MYO18A: variants seen among roughly 807,000 people sequenced by gnomAD.
MYO18A encodes the protein unconventional myosin-XVIIIa.
In MYO18A, 78 loss-of-function variants were observed where a neutral mutation model predicts 235.8. The ratio of observed to expected loss-of-function variants is 0.33; its 90% confidence interval spans 0.28 to 0.40. The LOEUF (loss-of-function observed/expected upper bound fraction) is 0.40, where lower values mean the gene tolerates loss of function less well. Ranked by LOEUF, MYO18A falls within the 10% of genes least tolerant of loss-of-function variation. The pLI is 1.00. For missense variants in MYO18A, 2,215 were observed against 2,699.3 expected, an observed-to-expected ratio of 0.82 and a Z score of 3.98; for synonymous variants, 977 against 1,077.8, an observed-to-expected ratio of 0.91 and a Z score of 1.83.
At chr17:29,101,303 ATTTC>A (rs1885929644) in intron 21 of MYO18A, among the ~76,000 whole-genome samples, 1 of 150,360 alleles carries the variant, frequency 6.7e-6, no homozygotes, top group African/African-American at 2.5e-5. Context: ...TGGCTGCTCA[ATTTC>A]TTTCTTTCTT....
chr17:29,176,385 A>G (rs1195424108), intron 1 of MYO18A, among the ~76,000 whole-genome samples: 1 of 150,212 alleles, frequency 6.7e-6, no homozygotes, highest in East Asian at 1.9e-4. Context: ...CAGCTGGCAA[A>G]AGAAAAAAAA....
At chr17:29,096,393 T>C (rs1214464637) in intron 28 of MYO18A, among the ~76,000 whole-genome samples, 1 of 151,218 alleles carries the variant, frequency 6.6e-6, no homozygotes, top group Non-Finnish European at 1.5e-5. Context: ...GTCAGGAGAG[T>C]GTGTTTGTGT....
At chr17:29,098,297 G>A in intron 24 of MYO18A, 59 bp downstream of exon 24, 1 of 1,611,644 alleles carries the variant, frequency 6.2e-7, no homozygotes, top group South Asian at 1.1e-5. Context: ...TGGGGGACCT[G>A]CAGGGGCTGG....
At position 29,100,951 on chromosome 17, in the gene MYO18A, G is replaced by A. The variant is rs763394386; in HGVS notation, c.3508-1189C>T. Among the ~76,000 whole-genome samples the A allele has an allele frequency of 2.6e-5, 4 of 152,300 alleles. No homozygotes were observed. In the East Asian group the frequency reaches 7.7e-4, roughly 29 times the overall value. ...TGACACTTCCCTAAATCCCACCATC[G>A]AACATGGGGTTTCCCATGGGTCTTA... is the stretch of plus-strand genomic sequence containing the variant. On this transcript the variant is annotated intron_variant, in intron 21 of 41. Transcript: ENST00000527372.
At chr17:29,105,594 G>A (rs1262849554) in intron 20 of MYO18A, among the ~76,000 whole-genome samples, 1 of 152,148 alleles carries the variant, frequency 6.6e-6, no homozygotes, top group Non-Finnish European at 1.5e-5. Flanking sequence ...GGAGGCTAGG[G>A]AAGAGAGGTT....
chr17:29,074,316 CAAG>C lies in MYO18A; in HGVS notation c.*451_*453del. ...TAAAAAGTAGAAAGACAGCAGGCAC[CAAG>C]AAGAGAGAGCCCCCACCCCACACGA... On this transcript the variant is annotated 3_prime_UTR_variant, in exon 42 of 42. Coordinates refer to ENST00000527372, the MANE Select transcript of MYO18A (RefSeq NM_078471.4). The surrounding 1 kb of genome is among the most constrained non-coding windows in gnomAD (Gnocchi z 4.4). 1.0e-6 allele frequency: 1 copy of C among 967,470 alleles called. No individual in the cohort carries two copies. Among genetic ancestry groups the C allele is most frequent in the South Asian group, 1.8e-5 (1 of 56,072 alleles). 59.9% of individuals were successfully genotyped at this position (967,470 alleles called of 1,614,324 possible).
intron 37 of MYO18A, 132 bp from the exon 38 acceptor site, chr17:29,087,253 C>T (rs2066279461): frequency 1.2e-6 from 1 of 863,980 alleles, no homozygotes; most frequent in East Asian, 2.5e-5. Context: ...GCTACCTGGG[C>T]AAGCAACCCC....
chr17:29,076,699 T>C (rs542248207), intron 41 of MYO18A: 7 of 151,986 alleles, frequency 4.6e-5, no homozygotes, highest in Non-Finnish European at 2.9e-5. Flanking sequence ...AGAAAAAAAT[T>C]GGGGTTATTT....
At position 29,096,912 on chromosome 17, in the gene MYO18A, C is replaced by T. The variant is rs777932761; in HGVS notation, c.4234G>A (p.Gly1412Arg). The change falls in exon 28 of 42, where the codon GGG (glycine) becomes AGG (arginine). Residue 1412 changes from glycine to arginine, a missense_variant. Physicochemically the swap from Gly to Arg is moderately radical, Grantham distance 125. Transcript: ENST00000527372. ...TCCTCACTATCTGCCTGCAGGTCCC[C>T]GAGCTAGGGGCCAAGATGGGGTGCA... ...QNKRQLERRL[G>R]DLQADSEESQ... 1.1e-5 allele frequency: 17 copies of T among 1,563,482 alleles called. No individual in the cohort carries two copies. Among genetic ancestry groups the T allele is most frequent in the African/African-American group, 6.8e-5 (5 of 73,622 alleles).
chr17:29,178,239 C>T (rs2068575761), intron 1 of MYO18A, among the ~76,000 whole-genome samples: 3 of 152,106 alleles, frequency 2.0e-5, no homozygotes, highest in South Asian at 2.1e-4. Flanking sequence ...AAGTCTGGGG[C>T]GCAGGAGGAA....
intron 40 of MYO18A, among the ~76,000 whole-genome samples, chr17:29,083,010 G>A (rs1411293559): frequency 6.8e-6 from 1 of 147,906 alleles, no homozygotes; most frequent in Non-Finnish European, 1.5e-5. Flanking sequence ...AGGTTAAGGA[G>A]GCCCAGGCCA....
chr17:29,101,535 G>T (rs141496597), intron 21 of MYO18A, among the ~76,000 whole-genome samples: 1,608 of 152,174 alleles, frequency 0.011, 11 homozygotes, highest in Admixed American at 0.017. Flanking sequence ...TCAAACTCCT[G>T]GGCTCAGGCA....
chr17:29,172,436 G>A (rs1033748900), intron 1 of MYO18A, among the ~76,000 whole-genome samples: 4 of 151,682 alleles, frequency 2.6e-5, no homozygotes, highest in African/African-American at 9.7e-5. Flanking sequence ...CTGCACTCCA[G>A]CCTGGGCGAC....
In MYO18A at chr17:29,109,928, G is replaced by A. The variant is rs553958030; in HGVS notation, c.3261C>T (p.Leu1087=). ...GCTGGGTGCGGAGCAGGGGCACGTC[G>A]AGCTGCAGGAGCCCAGCCTCGCAGT... ...GDHCEAGLLQ[L]DVPLLRTQLR... is the part of the protein sequence containing the mutation. Residue 1087 remains leucine (L), a synonymous_variant, in exon 19 of 42, where the codon CTC becomes CTT. Transcript: ENST00000527372. The surrounding 1 kb of genome is among the most constrained non-coding windows in gnomAD (Gnocchi z 4.1). 10 of 1,598,838 alleles carry A rather than the reference G, an allele frequency of 6.3e-6. No homozygotes were observed. The highest frequency in any genetic ancestry group is 2.3e-5 in the East Asian group (1 of 44,102).
intron 36 of MYO18A, among the ~76,000 whole-genome samples, chr17:29,090,322 G>C (rs1268664160): frequency 6.6e-6 from 1 of 152,226 alleles, no homozygotes; most frequent in Non-Finnish European, 1.5e-5. Flanking sequence ...AAGGATCGGA[G>C]AGGGAATACA....
intron 22 of MYO18A, 79 bp from the exon 23 acceptor site, chr17:29,099,048 C>T: frequency 6.4e-7 from 1 of 1,560,750 alleles, no homozygotes; most frequent in Non-Finnish European, 8.7e-7. Flanking sequence ...CTCCCCACCA[C>T]CAGCACAGGC....
At chr17:29,096,505 A>G (rs1177699077) in intron 28 of MYO18A, among the ~76,000 whole-genome samples, 5 of 152,146 alleles carry the variant, frequency 3.3e-5, no homozygotes, top group Non-Finnish European at 1.5e-5. Flanking sequence ...GGGGCCTGGC[A>G]CGGGATGACA....
chr17:29,171,926 C>G (rs115356761), intron 1 of MYO18A, among the ~76,000 whole-genome samples: 51 of 151,340 alleles, frequency 3.4e-4, no homozygotes, highest in African/African-American at 1.2e-3. Flanking sequence ...AAAACCATAG[C>G]CTGATGGATG....
chr17:29,171,439 CA>C (rs964729305), intron 1 of MYO18A, among the ~76,000 whole-genome samples: 28 of 137,874 alleles, frequency 2.0e-4, no homozygotes, highest in Non-Finnish European at 2.5e-4. Flanking sequence ...GACCCCATCT[CA>C]AAAAAAAAAA....
Sources: allele counts gnomAD v4.1 joint callset (sites outside exome capture counted in the v4.1 genomes callset), GRCh38; gene constraint gnomAD v4.1.1; non-coding constraint Gnocchi (gnomAD v3.1); transcripts MANE v1.5; gene names NCBI Gene and HGNC (gene_info 2026-07-23, HGNC 2026-07-21).